The following CACNA1A variants were observed in gnomAD, a reference collection of about 807,000 sequenced individuals.
CACNA1A encodes calcium voltage-gated channel subunit alpha1 A.
A neutral mutation model predicts 262.4 loss-of-function variants in CACNA1A; 57 were observed. That is an observed-to-expected ratio of 0.22 (90% CI 0.18 to 0.27). The LOEUF (loss-of-function observed/expected upper bound fraction) is 0.27, where lower values mean the gene tolerates loss of function less well. CACNA1A is among the 10% of genes least tolerant of loss of function. The probability of loss-of-function intolerance (pLI) is 1.00; values close to 1 mark genes in which losing one functional copy is unlikely to be tolerated. For synonymous variants in CACNA1A, 1,431 were observed against 1,419.3 expected, an observed-to-expected ratio of 1.01 and a Z score of -0.18; for missense variants, 2,526 against 3,562.8, an observed-to-expected ratio of 0.71 and a Z score of 7.41.
At position 13,464,754 on chromosome 19, in the gene CACNA1A, T is replaced by C. The variant is rs187755309; in HGVS notation, c.294-9542A>G. ...TAGTAGAGACGGGGTTTCACCGTGT[T>C]AGCCAGGGTGGTCTCGATCTCCTGA... On this transcript the variant is annotated intron_variant, in intron 1 of 46. Transcript: ENST00000360228. Among the ~76,000 whole-genome samples the C allele has an allele frequency of 5.4e-3, 816 of 151,900 alleles. 32 individuals are homozygous for C. The highest frequency in any genetic ancestry group is 0.049 in the Admixed American group (750 of 15,252).
chr19:13,298,693 G>C lies in CACNA1A; in HGVS notation c.2940C>G (p.Arg980=), dbSNP rs1188340576. 1.0e-5 allele frequency: 15 copies of C among 1,442,680 alleles called. No individual in the cohort carries two copies. The African/African-American group carries it at 2.0e-4, about 19-fold the overall frequency. The allele number at this position is 1,442,680 out of a possible 1,614,324, so 89.4% of individuals were successfully genotyped here. ...EDKAERRARH[R]EGSRPARGGE... is the part of the protein sequence containing the mutation. ...CGCCCCGGGCCGGCCGGCTGCCCTC[G>C]CGGTGCCGCGCCCTCCGCTCCGCCT... The change falls in exon 19 of 47, where the codon CGC becomes CGG. Residue 980 remains arginine, a synonymous_variant. Transcript: ENST00000360228.
chr19:13,348,613 G>A (rs567861871), intron 6 of CACNA1A, among the ~76,000 whole-genome samples: 6 of 152,274 alleles, frequency 3.9e-5, no homozygotes, highest in Non-Finnish European at 8.8e-5. Context: ...CAAGGCGGGC[G>A]AATCATGAGC....
At chr19:13,337,902 G>T (rs1276261153) in intron 6 of CACNA1A, among the ~76,000 whole-genome samples, 2 of 152,170 alleles carry the variant, frequency 1.3e-5, no homozygotes, top group East Asian at 3.9e-4. Context: ...GTAGGCAATT[G>T]TAACTCTATA....
rs190264873 is a variant in CACNA1A at position 13,259,590 on chromosome 19, G to A, written c.4362C>T (p.Thr1454=). The A allele has an allele frequency of 5.3e-5, 85 of 1,609,012 alleles. No homozygotes were observed. In the East Asian group the frequency reaches 1.7e-3, roughly 33 times the overall value. The change falls in exon 27 of 47, where the codon ACC becomes ACT. Residue 1454 remains threonine (T), a synonymous_variant. Coordinates refer to ENST00000360228, the MANE Select transcript of CACNA1A (RefSeq NM_001127222.2). ...NVLWALLTLF[T]VSTGEGWPQV... is the part of the protein sequence containing the mutation. The stretch of plus-strand genomic sequence containing the variant: ...GTGGCCAGCCTTCTCCCGTGGACAC[G>A]GTGAAGAGGGTCAGCAGAGCCCACA...
At chr19:13,386,069 T>C (rs1027144959) in intron 3 of CACNA1A, among the ~76,000 whole-genome samples, 2 of 151,802 alleles carry the variant, frequency 1.3e-5, no homozygotes, top group Admixed American at 1.3e-4. Context: ...GCGGATCACC[T>C]GAGCCTGGCA....
In CACNA1A at chr19:13,207,817, C is replaced by A; in HGVS notation, c.7017G>T (p.Arg2339=). The A allele has an allele frequency of 6.8e-7, 1 of 1,460,052 alleles. No individual in the cohort carries two copies. Among genetic ancestry groups the A allele is most frequent in the Non-Finnish European group, 9.0e-7 (1 of 1,113,344 alleles). 90.4% of individuals were successfully genotyped at this position (1,460,052 alleles called of 1,614,324 possible). A position where few individuals can be genotyped will look rare whatever the true frequency, so the allele number is the denominator to read the frequency against. ...GCTCGGCCGTGGGGCCTGGGTACCT[C>A]CGAGGGCCGCTGGTGGCCGCCCGGC... ...RPGRAATSGP[R]RYPGPTAEPL... Residue 2339 remains arginine, a synonymous_variant, in exon 47 of 47, where the codon CGG becomes CGT. Coordinates refer to ENST00000360228, the MANE Select transcript of CACNA1A (RefSeq NM_001127222.2). This position sits in a 1 kb window ranked among gnomAD's most constrained non-coding sequence, Gnocchi z 5.7.
intron 3 of CACNA1A, among the ~76,000 whole-genome samples, chr19:13,413,275 T>C (rs2060146448): frequency 6.6e-6 from 1 of 151,492 alleles, no homozygotes; most frequent in African/African-American, 2.4e-5. Context: ...CCTGGCTAAT[T>C]TTTTGTATTT....
intron 3 of CACNA1A, among the ~76,000 whole-genome samples, chr19:13,397,652 G>A (rs1213835260): frequency 6.6e-6 from 1 of 151,458 alleles, no homozygotes; most frequent in Non-Finnish European, 1.5e-5. Flanking sequence ...TTCTCAGTGA[G>A]GACCCACGCA....
At chr19:13,340,359 C>A (rs1051344791) in intron 6 of CACNA1A, among the ~76,000 whole-genome samples, 3 of 151,954 alleles carry the variant, frequency 2.0e-5, no homozygotes, top group Non-Finnish European at 1.5e-5. Flanking sequence ...TCTCATGAAC[C>A]CCAGGAGTGG....
chr19:13,494,622 C>T (rs1426793595), intron 1 of CACNA1A, among the ~76,000 whole-genome samples: 1 of 152,166 alleles, frequency 6.6e-6, no homozygotes, highest in East Asian at 1.9e-4. Context: ...CGTTTTCACA[C>T]TGCTATAAAA....
In CACNA1A at chr19:13,257,282, G is replaced by A. The variant is rs191569794; in HGVS notation, c.4590+68C>T. On this transcript the variant is annotated intron_variant, in intron 28 of 46. Transcript: ENST00000360228. ...TACCCCTAGAAAGGGGTTCCTGGGT[G>A]TTGTGTGTGTTTTAAAGTTTGTGTG... 3.5e-3 allele frequency: 4,669 copies of A among 1,319,040 alleles called. 13 individuals carry two copies. Among genetic ancestry groups the A allele is most frequent in the Non-Finnish European group, 4.2e-3 (3,924 of 923,480 alleles). The allele number at this position is 1,319,040 out of a possible 1,614,324, so 81.7% of individuals were successfully genotyped here. A position where few individuals can be genotyped will look rare whatever the true frequency, so the allele number is the denominator to read the frequency against.
chr19:13,237,272 G>C (rs2055908554), intron 31 of CACNA1A, among the ~76,000 whole-genome samples: 1 of 152,156 alleles, frequency 6.6e-6, no homozygotes, highest in Admixed American at 6.5e-5. Flanking sequence ...GGCAGGAGGA[G>C]TAGAGGGTCT....
At chr19:13,386,518 G>A (rs1454475371) in intron 3 of CACNA1A, among the ~76,000 whole-genome samples, 6 of 152,198 alleles carry the variant, frequency 3.9e-5, no homozygotes, top group African/African-American at 1.4e-4. Context: ...GCCGGGCACA[G>A]TGGCTCACGC....
chr19:13,383,634 A>T (rs11879288), intron 3 of CACNA1A, among the ~76,000 whole-genome samples: 51,237 of 151,510 alleles, frequency 0.34, 8,841 homozygotes, highest in Middle Eastern at 0.4. Context: ...ATTGAGAATT[A>T]CTATATTGGC....
At chr19:13,230,327 G>A in intron 35 of CACNA1A, 118 bp from the exon 36 acceptor site, 2 of 1,025,886 alleles carry the variant, frequency 1.9e-6, no homozygotes, top group South Asian at 3.2e-5. Context: ...TGTACACAGA[G>A]GCCCAGATGG....
intron 1 of CACNA1A, among the ~76,000 whole-genome samples, chr19:13,464,496 G>T (rs555132848): frequency 6.8e-6 from 1 of 147,880 alleles, no homozygotes; most frequent in East Asian, 2.0e-4. Context: ...TGCAATAAAT[G>T]TTCATTACTT....
chr19:13,505,270 C>T (rs1221701779), intron 1 of CACNA1A, among the ~76,000 whole-genome samples: 3 of 152,112 alleles, frequency 2.0e-5, no homozygotes, highest in Non-Finnish European at 4.4e-5. Flanking sequence ...AACATAAGCG[C>T]CCCCCAGCCC....
At chr19:13,294,289 TGAG>T (rs897641892) in intron 19 of CACNA1A, among the ~76,000 whole-genome samples, 3 of 151,678 alleles carry the variant, frequency 2.0e-5, no homozygotes, top group African/African-American at 7.3e-5. Flanking sequence ...TTCACCTGTG[TGAG>T]GAGCACTAGA....
intron 6 of CACNA1A, among the ~76,000 whole-genome samples, chr19:13,348,697 G>T (rs950981823): frequency 6.6e-6 from 1 of 152,130 alleles, no homozygotes; most frequent in Non-Finnish European, 1.5e-5. Context: ...TTAGCTGGGC[G>T]TGTTGGTGCA....
Sources: gnomAD v4.1 joint callset for allele counts (sites outside exome capture counted in the v4.1 genomes callset) on GRCh38, gnomAD v4.1.1 for gene constraint, Gnocchi (gnomAD v3.1) non-coding constraint, MANE v1.5 for transcripts, NCBI Gene and HGNC (gene_info 2026-07-23, HGNC 2026-07-21) for gene names.